PELI2: variants seen among roughly 807,000 people sequenced by gnomAD.
PELI2 encodes E3 ubiquitin-protein ligase pellino homolog 2.
PELI2 carries 23 observed loss-of-function variants against 42.3 expected under a neutral mutation model. That is an observed-to-expected ratio of 0.54 (90% confidence interval 0.39 to 0.77). The LOEUF is 0.77. PELI2 is among the 30% of genes least tolerant of loss of function. The pLI, the probability that PELI2 is intolerant of heterozygous loss-of-function variation, is 0.00. For synonymous variants in PELI2, 245 were observed against 212.2 expected (o/e 1.15, Z -1.34); for missense variants, 463 against 553.2 (o/e 0.84, Z 1.64).
At chr14:56,163,807 T>C (rs926069321) in intron 1 of PELI2, among the ~76,000 whole-genome samples, 3 of 152,156 alleles carry the variant, frequency 2.0e-5, no homozygotes, top group African/African-American at 4.8e-5. Flanking sequence ...TATTTAATTT[T>C]ATGTGTGGCT....
At chr14:56,195,465 C>G (rs1886098097) in intron 2 of PELI2, among the ~76,000 whole-genome samples, 1 of 152,186 alleles carries the variant, frequency 6.6e-6, no homozygotes, top group Admixed American at 6.5e-5. Flanking sequence ...GCTGAAGCAG[C>G]TTTCCACTGC....
At position 56,118,641 on chromosome 14, in the gene PELI2, C is replaced by A. The variant is rs769910185; in HGVS notation, c.-20C>A. The A allele has an allele frequency of 1.2e-4, 159 of 1,373,084 alleles. 1 individual carries two copies. Among genetic ancestry groups the A allele is most frequent in the Middle Eastern group, 2.6e-4 (1 of 3,810 alleles). 85.1% of individuals were successfully genotyped at this position (1,373,084 alleles called of 1,614,324 possible). A position where few individuals can be genotyped will look rare whatever the true frequency, so the allele number is the denominator to read the frequency against. ...GAGGCGGCGGCGTCGGCGGCGGCGTCGGCGGCCGAGCGGGGCTCCATGTTT... is the reference window on the plus strand; with the variant it reads ...GAGGCGGCGGCGTCGGCGGCGGCGTAGGCGGCCGAGCGGGGCTCCATGTTT... On this transcript the variant is annotated 5_prime_UTR_variant, in exon 1 of 6. Transcript: ENST00000267460.
At chr14:56,255,176 C>T (rs1386336635) in intron 2 of PELI2, among the ~76,000 whole-genome samples, 5 of 152,188 alleles carry the variant, frequency 3.3e-5, no homozygotes, top group African/African-American at 1.2e-4. Context: ...ACTATAAAGA[C>T]ACATGCACAC....
At chr14:56,243,233 C>G (rs1268613947) in intron 2 of PELI2, among the ~76,000 whole-genome samples, 1 of 152,150 alleles carries the variant, frequency 6.6e-6, no homozygotes, top group African/African-American at 2.4e-5. Context: ...GTGATTCCCC[C>G]TTGATATAAG....
rs1889719517 is a variant in PELI2, at chr14:56,288,592, A to G, written c.465A>G (p.Ile155Met). 2 of 1,613,938 alleles carry G rather than the reference A, an allele frequency of 1.2e-6. No individual in the cohort carries two copies. Among genetic ancestry groups the G allele is most frequent in the African/African-American group, 1.3e-5 (1 of 74,936 alleles). The change falls in exon 4 of 6, where the codon ATA (isoleucine) becomes ATG (methionine). Residue 155 changes from isoleucine to methionine, a missense_variant. Ile to Met is a conservative substitution (Grantham distance 10). Transcript: ENST00000267460. This position sits in a 1 kb window ranked among gnomAD's most constrained non-coding sequence, Gnocchi z 4.6. ...CDRNEPYTAR[I>M]FAAGFDSSKN... is the part of the protein sequence containing the mutation. ...GGAATGAACCTTACACAGCACGGAT[A>G]TTCGCCGCCGGATTTGACTCTTCCA...
At chr14:56,128,049 T>G (rs1398386459) in intron 1 of PELI2, among the ~76,000 whole-genome samples, 1 of 152,130 alleles carries the variant, frequency 6.6e-6, no homozygotes, top group Non-Finnish European at 1.5e-5. Context: ...ATCCTGCACA[T>G]GGACCCCTGA....
At chr14:56,267,871 A>T (rs1169045493) in intron 2 of PELI2, among the ~76,000 whole-genome samples, 2 of 152,308 alleles carry the variant, frequency 1.3e-5, no homozygotes, top group East Asian at 3.9e-4. Flanking sequence ...TTTGGAGCTT[A>T]TCCTTGTAAG....
chr14:56,247,440 C>G (rs1046584816), intron 2 of PELI2, among the ~76,000 whole-genome samples: 1 of 152,118 alleles, frequency 6.6e-6, no homozygotes, highest in Non-Finnish European at 1.5e-5. Context: ...GAGCATAGAT[C>G]TTTATTCATG....
intron 2 of PELI2, among the ~76,000 whole-genome samples, chr14:56,186,985 T>TA (rs1343164448): frequency 6.6e-6 from 1 of 152,060 alleles, no homozygotes; most frequent in African/African-American, 2.4e-5. Context: ...TGCTGCAAAT[T>TA]AAAAAAACAA....
chr14:56,137,887 T>C (rs1459814976), intron 1 of PELI2, among the ~76,000 whole-genome samples: 1 of 152,204 alleles, frequency 6.6e-6, no homozygotes, highest in Non-Finnish European at 1.5e-5. Context: ...AGTTTGAGGT[T>C]GGGATGAGCT....
In PELI2 at chr14:56,273,305, C is replaced by G. The variant is rs760671922; in HGVS notation, c.208-6371C>G. 7.2e-5 allele frequency among the ~76,000 whole-genome samples: 11 copies of G among 152,190 alleles called. No individual in the cohort carries two copies. Among genetic ancestry groups the G allele is most frequent in the Non-Finnish European group, 1.3e-4 (9 of 68,042 alleles). ...GGCTTCTTGCCCACAGCTGGGAACC[C>G]CCAGAGCGGCAAATGGAAGCTGCAA... On this transcript the variant is annotated intron_variant, in intron 2 of 5. Coordinates refer to ENST00000267460, the MANE Select transcript of PELI2 (RefSeq NM_021255.3). The surrounding 1 kb of genome is among the most constrained non-coding windows in gnomAD (Gnocchi z 4.3).
chr14:56,137,703 G>A (rs1282351532), intron 1 of PELI2, among the ~76,000 whole-genome samples: 1 of 152,212 alleles, frequency 6.6e-6, no homozygotes, highest in Non-Finnish European at 1.5e-5. Context: ...AAGCAAGATT[G>A]TGCGATCACA....
At position 56,196,675 on chromosome 14, in the gene PELI2, G is replaced by A. The variant is rs184387503; in HGVS notation, c.207+18211G>A. ...TAAAAAATATTTTTACTTTAGGAAC[G>A]TTTGTCTTAATTTTTGCCGATATGG... On this transcript the variant is annotated intron_variant, in intron 2 of 5. Coordinates refer to ENST00000267460, the MANE Select transcript of PELI2 (RefSeq NM_021255.3). 1.4e-4 allele frequency among the ~76,000 whole-genome samples: 22 copies of A among 152,228 alleles called. No individual in the cohort carries two copies. In the East Asian group the frequency reaches 2.7e-3, roughly 19 times the overall value.
At chr14:56,203,816 G>T (rs556808240) in intron 2 of PELI2, among the ~76,000 whole-genome samples, 63 of 152,162 alleles carry the variant, frequency 4.1e-4, no homozygotes, top group African/African-American at 1.5e-3. Flanking sequence ...ATATACAGGA[G>T]GTCTCACCCT....
chr14:56,207,476 GTCCCAC>G (rs1382347600), intron 2 of PELI2, among the ~76,000 whole-genome samples: 12 of 152,170 alleles, frequency 7.9e-5, no homozygotes, highest in Non-Finnish European at 1.2e-4. Flanking sequence ...AAAATTTGAA[GTCCCAC>G]TAGAACATGA....
chr14:56,288,719 G>T lies in PELI2; in HGVS notation c.507+85G>T. 1.1e-6 allele frequency: 1 copy of T among 942,102 alleles called. No homozygotes were observed. The highest frequency in any genetic ancestry group is 1.6e-6 in the Non-Finnish European group (1 of 612,436). The allele number at this position is 942,102 out of a possible 1,614,324, so 58.4% of individuals were successfully genotyped here. On this transcript the variant is annotated intron_variant, in intron 4 of 5. Coordinates refer to ENST00000267460, the MANE Select transcript of PELI2 (RefSeq NM_021255.3). This position sits in a 1 kb window ranked among gnomAD's most constrained non-coding sequence, Gnocchi z 4.6. The stretch of plus-strand genomic sequence containing the variant: ...CATTTAATTGGAGCAAAAAAAAATT[G>T]GCTTTGTATGTTGCCTCTAGTGAGA...
intron 1 of PELI2, among the ~76,000 whole-genome samples, chr14:56,175,502 T>C (rs1885340466): frequency 6.6e-6 from 1 of 152,256 alleles, no homozygotes; most frequent in Admixed American, 6.5e-5. Flanking sequence ...ATTATGAATA[T>C]TGAATGAATG....
chr14:56,292,710 T>G (rs991315286), intron 5 of PELI2: 2 of 902,302 alleles, frequency 2.2e-6, no homozygotes, highest in Non-Finnish European at 2.7e-6. Context: ...TTGTTTTTCA[T>G]TATTACAGCA....
intron 1 of PELI2, among the ~76,000 whole-genome samples, chr14:56,159,803 T>C (rs192548521): frequency 6.6e-6 from 1 of 152,308 alleles, no homozygotes; most frequent in Non-Finnish European, 1.5e-5. Flanking sequence ...TGATTCCCAG[T>C]ACTTTGCCCA....
Sources: allele counts gnomAD v4.1 joint callset (sites outside exome capture counted in the v4.1 genomes callset), GRCh38; gene constraint gnomAD v4.1.1; non-coding constraint Gnocchi (gnomAD v3.1); transcripts MANE v1.5; gene names NCBI Gene and HGNC (gene_info 2026-07-23, HGNC 2026-07-21).